LIMCH1: variants seen among roughly 807,000 people sequenced by gnomAD.
LIMCH1 encodes the protein LIM and calponin homology domains 1.
Under a neutral mutation model 176.5 loss-of-function variants are expected in LIMCH1, and 113 were observed. The ratio of observed to expected loss-of-function variants is 0.64; its 90% CI spans 0.55 to 0.75. The LOEUF (loss-of-function observed/expected upper bound fraction) is 0.75, where lower values mean the gene tolerates loss of function less well. Ranked by LOEUF, LIMCH1 falls within the 30% of genes least tolerant of loss-of-function variation. The pLI is 0.00. For missense variants in LIMCH1, 1,674 were observed against 1,814.9 expected, an observed-to-expected ratio of 0.92 and a Z score of 1.41; for synonymous variants, 619 against 645.9, an observed-to-expected ratio of 0.96 and a Z score of 0.63.
intron 2 of LIMCH1, among the ~76,000 whole-genome samples, chr4:41,498,563 G>T (rs1172714471): frequency 2.6e-5 from 4 of 152,176 alleles, no homozygotes; most frequent in Non-Finnish European, 4.4e-5. Context: ...TTAATAAGAG[G>T]CTGGGGTCAA....
At chr4:41,516,001 A>G (rs1288744419) in intron 2 of LIMCH1, among the ~76,000 whole-genome samples, 2 of 152,244 alleles carry the variant, frequency 1.3e-5, no homozygotes, top group Non-Finnish European at 1.5e-5. Context: ...TAATTACTAC[A>G]TAGCACAATG....
intron 1 of LIMCH1, among the ~76,000 whole-genome samples, chr4:41,472,527 C>T (rs2067127528): frequency 6.6e-6 from 1 of 152,090 alleles, no homozygotes; most frequent in Non-Finnish European, 1.5e-5. Flanking sequence ...CCAAGTGATC[C>T]TCCCATCTCA....
At chr4:41,415,847 C>T (rs1003085695) in intron 1 of LIMCH1, among the ~76,000 whole-genome samples, 6 of 151,898 alleles carry the variant, frequency 4.0e-5, no homozygotes, top group Admixed American at 2.0e-4. Context: ...CATGGTGGCA[C>T]GCGCCTGTAA....
At chr4:41,476,135 C>A (rs1412411470) in intron 1 of LIMCH1, among the ~76,000 whole-genome samples, 3 of 152,154 alleles carry the variant, frequency 2.0e-5, no homozygotes, top group Non-Finnish European at 4.4e-5. Flanking sequence ...TCACACCTGG[C>A]CCTCACAATT....
intron 13 of LIMCH1, among the ~76,000 whole-genome samples, chr4:41,637,481 C>A (rs548182082): frequency 6.6e-6 from 1 of 152,182 alleles, no homozygotes. Context: ...TGAGCCACCA[C>A]GCCCAGCCCA....
intron 1 of LIMCH1, among the ~76,000 whole-genome samples, chr4:41,405,314 T>C (rs867326168): frequency 1.3e-5 from 2 of 152,260 alleles, no homozygotes; most frequent in South Asian, 4.1e-4. Flanking sequence ...TCCCTTGCTG[T>C]TTTACTTGTA....
intron 18 of LIMCH1, among the ~76,000 whole-genome samples, chr4:41,658,564 T>C (rs1219847978): frequency 6.6e-6 from 1 of 152,314 alleles, no homozygotes; most frequent in African/African-American, 2.4e-5. Flanking sequence ...ATTAGGTCTT[T>C]AGGTCTAAAG....
At chr4:41,402,219 T>C (rs1039419547) in intron 1 of LIMCH1, among the ~76,000 whole-genome samples, 1 of 152,000 alleles carries the variant, frequency 6.6e-6, no homozygotes, top group African/African-American at 2.4e-5. Context: ...AAAAGACACA[T>C]GAAAAATGCT....
intron 31 of LIMCH1, among the ~76,000 whole-genome samples, chr4:41,696,607 A>G (rs1245127093): frequency 6.6e-6 from 1 of 152,208 alleles, no homozygotes; most frequent in Non-Finnish European, 1.5e-5. Context: ...TAACATAAGT[A>G]TGTCCCAAAT....
intron 1 of LIMCH1, among the ~76,000 whole-genome samples, chr4:41,576,669 T>G (rs1389411888): frequency 6.6e-6 from 1 of 152,212 alleles, no homozygotes; most frequent in African/African-American, 2.4e-5. Flanking sequence ...TAGTTAGGAA[T>G]AGCATGCTCT....
At chr4:41,479,202 T>C (rs1461736405) in intron 1 of LIMCH1, among the ~76,000 whole-genome samples, 2 of 152,250 alleles carry the variant, frequency 1.3e-5, no homozygotes, top group African/African-American at 4.8e-5. Flanking sequence ...TATTTTAGTA[T>C]GCATCTCCAA....
chr4:41,524,150 T>C (rs1165321155), intron 2 of LIMCH1, among the ~76,000 whole-genome samples: 1 of 152,218 alleles, frequency 6.6e-6, no homozygotes, highest in Non-Finnish European at 1.5e-5. Flanking sequence ...TCCTTTTCCT[T>C]GAAGCCCTCC....
At chr4:41,482,034 A>G (rs1184341379) in intron 1 of LIMCH1, among the ~76,000 whole-genome samples, 1 of 152,042 alleles carries the variant, frequency 6.6e-6, no homozygotes, top group African/African-American at 2.4e-5. Context: ...TATTTTTAGT[A>G]GAGATGGGGT....
Position 41,626,714 on chromosome 4 carries a change from A to AT in LIMCH1, c.732_733insT (p.Gln245SerfsTer4), listed in dbSNP as rs927659856. 5.9e-6 allele frequency: 9 copies of AT among 1,535,196 alleles called. No homozygotes were observed. The highest frequency in any genetic ancestry group is 7.9e-6 in the Non-Finnish European group (9 of 1,145,998). On this transcript the variant is annotated frameshift_variant, in exon 8 of 32. Coordinates refer to ENST00000503057, the MANE Select transcript of LIMCH1 (RefSeq NM_001330672.2). LOFTEE classifies it high-confidence loss of function. ...TTTAATTTTCCCCTATCAGTCAAAA[A>AT]CAATTAAGTGAAGAGAAAGAAGCTA...
intron 5 of LIMCH1, among the ~76,000 whole-genome samples, chr4:41,616,872 A>C (rs2092141589): frequency 1.3e-5 from 2 of 152,264 alleles, no homozygotes; most frequent in South Asian, 2.1e-4. Flanking sequence ...GGTAGAGCTG[A>C]AATTTTAGAC....
chr4:41,532,090 A>C (rs1293249497), intron 3 of LIMCH1, among the ~76,000 whole-genome samples: 1 of 152,234 alleles, frequency 6.6e-6, no homozygotes, highest in African/African-American at 2.4e-5. Flanking sequence ...CTCAAGTTTG[A>C]TGCCAAAGCC....
At chr4:41,384,424 G>GGT (rs2056195479) in intron 1 of LIMCH1, among the ~76,000 whole-genome samples, 1 of 151,874 alleles carries the variant, frequency 6.6e-6, no homozygotes, top group South Asian at 2.1e-4. Flanking sequence ...TAGCCAGGAT[G>GGT]GTCTCGATCT....
chr4:41,421,754 C>T (rs1040555530), intron 1 of LIMCH1, among the ~76,000 whole-genome samples: 10 of 151,876 alleles, frequency 6.6e-5, no homozygotes, highest in South Asian at 4.1e-4. Flanking sequence ...TAAAAGAATA[C>T]GATTAAAAAG....
chr4:41,497,805 C>CAAAAAA lies in LIMCH1; in HGVS notation c.167+3208_167+3213dup, dbSNP rs58720797. ...GGGCAACAAGAGCGAAACTTCGTCT[C>CAAAAAA]AAAAAAAAAAAAAATTAAGTTTAGG... On this transcript the variant is annotated intron_variant, in intron 2 of 26. Coordinates refer to the LIMCH1 transcript ENST00000313860. 1.5e-3 allele frequency among the ~76,000 whole-genome samples: 211 copies of CAAAAAA among 140,450 alleles called. 2 individuals carry two copies. The highest frequency in any genetic ancestry group is 2.3e-3 in the African/African-American group (89 of 38,306). The allele number at this position is 140,450 out of a possible 152,430, so 92.1% of individuals were successfully genotyped here.
Sources: allele counts gnomAD v4.1 joint callset (sites outside exome capture counted in the v4.1 genomes callset), GRCh38; gene constraint gnomAD v4.1.1; transcripts MANE v1.5; gene names NCBI Gene and HGNC (gene_info 2026-07-23, HGNC 2026-07-21).